NEB: variants seen among roughly 807,000 people sequenced by gnomAD.
NEB encodes nebulin, also known as nemaline myopathy type 2.
NEB carries 512 observed loss-of-function variants against 952.2 expected under a neutral mutation model. That is an observed-to-expected ratio of 0.54 (90% CI 0.50 to 0.58). The LOEUF is 0.58. Ranked by LOEUF, NEB falls within the 20% of genes least tolerant of loss-of-function variation. The pLI, the probability that NEB is intolerant of heterozygous loss-of-function variation, is 0.00. For synonymous variants in NEB, 2,900 were observed against 3,149.8 expected (o/e 0.92, Z 2.66); for missense variants, 8,428 against 9,231.1 (o/e 0.91, Z 3.56).
chr2:151,543,249 CCAAA>C (rs1174667625), intron 135 of NEB, among the ~76,000 whole-genome samples: 1 of 152,124 alleles, frequency 6.6e-6, no homozygotes, highest in Non-Finnish European at 1.5e-5. Flanking sequence ...CAAATGGATA[CCAAA>C]TAAATTCTAA....
rs376621580 is a variant in NEB, at chr2:151,711,419, A to G, written c.823-881T>C. Among the ~76,000 whole-genome samples, 14 of 152,302 alleles carry G rather than the reference A, an allele frequency of 9.2e-5. No individual in the cohort carries two copies. The East Asian group carries it at 2.3e-3, about 25-fold the overall frequency. On this transcript the variant is annotated intron_variant, in intron 10 of 181. Transcript: ENST00000397345. Reference sequence around the variant, plus strand: ...ACTGGCATATGCCTACATCCCCACAATACCCTTTAAGGAAAAAGAAAATGT... The same window carrying G: ...ACTGGCATATGCCTACATCCCCACAGTACCCTTTAAGGAAAAAGAAAATGT...
intron 179 of NEB, 83 bp from the exon 180 acceptor site, chr2:151,490,601 A>T (rs2055648050): frequency 6.7e-7 from 1 of 1,488,484 alleles, no homozygotes; most frequent in Non-Finnish European, 9.2e-7. Context: ...AATCTCAGTT[A>T]TTGTTATCTT....
intron 52 of NEB, among the ~76,000 whole-genome samples, chr2:151,651,929 A>G (rs1224257623): frequency 6.6e-6 from 1 of 152,226 alleles, no homozygotes; most frequent in Non-Finnish European, 1.5e-5. Context: ...CAAGAAAACA[A>G]CACTAAATTT....
In NEB at chr2:151,692,003, G is replaced by A. The variant is rs751677106; in HGVS notation, c.2107-35C>T. The A allele has an allele frequency of 1.7e-5, 27 of 1,607,144 alleles. No individual in the cohort carries two copies. The Admixed American group carries it at 2.5e-4, about 15-fold the overall frequency. On this transcript the variant is annotated intron_variant, in intron 22 of 181. Transcript: ENST00000397345. ...GAAAAACCAAAAATAGATCATGATT[G>A]TTATGGCTCTCAAACAATGTCACTG...
At chr2:151,574,196 G>A (rs58037758) in intron 107 of NEB, among the ~76,000 whole-genome samples, 1 of 151,980 alleles carries the variant, frequency 6.6e-6, no homozygotes, top group Admixed American at 6.5e-5. Flanking sequence ...GGATGGTCTC[G>A]ATCTCCTGAC....
chr2:151,563,849 T>C lies in NEB; in HGVS notation c.18553A>G (p.Lys6185Glu). 1 of 1,613,390 alleles carries C rather than the reference T, an allele frequency of 6.2e-7. No homozygotes were observed. The highest frequency in any genetic ancestry group is 8.5e-7 in the Non-Finnish European group (1 of 1,179,616). ...TCACTGTTCACCAGATCAGCATGCT[T>C]GGCTCCAACAATGGGAATGTAGCGC... is the stretch of plus-strand genomic sequence containing the variant. ...DERYIPIVGA[K>E]HADLVNSELK... is the part of the protein sequence containing the mutation. Residue 6185 changes from lysine to glutamate, a missense_variant, in exon 118 of 182, where the codon AAG becomes GAG. This residue lies in a region of NEB where 3,374 missense variants were observed against 3,651.5 expected (regional missense o/e 0.92). Coordinates refer to ENST00000397345, the MANE Select transcript of NEB (RefSeq NM_001164508.2).
At chr2:151,491,479 C>T in intron 179 of NEB, 1 of 468,710 alleles carries the variant, frequency 2.1e-6, no homozygotes, top group Non-Finnish European at 3.9e-6. Context: ...TGCACTGAGG[C>T]AGTGAAACAA....
chr2:151,560,360 A>G (rs1431330291), intron 124 of NEB, among the ~76,000 whole-genome samples: 1 of 152,196 alleles, frequency 6.6e-6, no homozygotes, highest in Non-Finnish European at 1.5e-5. Context: ...CTGAAAGGTC[A>G]CATCCTGTCC....
intron 112 of NEB, 22 bp downstream of exon 112, chr2:151,568,294 G>C: frequency 1.9e-6 from 3 of 1,607,776 alleles, no homozygotes; most frequent in Non-Finnish European, 1.7e-6. Flanking sequence ...ACAAACACCA[G>C]GCATGTGGGT....
intron 173 of NEB, among the ~76,000 whole-genome samples, chr2:151,495,820 A>G (rs1307126925): frequency 1.3e-5 from 2 of 152,206 alleles, no homozygotes; most frequent in Non-Finnish European, 2.9e-5. Context: ...GGAGGGGATC[A>G]GGGATTATTT....
chr2:151,552,023 T>C (rs2095369557), intron 128 of NEB, among the ~76,000 whole-genome samples, 178 bp from the exon 129 acceptor site: 1 of 152,132 alleles, frequency 6.6e-6, no homozygotes. Context: ...ACAGAAGAGA[T>C]GGCCCAGGCA....
chr2:151,575,572 A>G (rs762072760), intron 107 of NEB, 123 bp downstream of exon 107: 2 of 711,516 alleles, frequency 2.8e-6, no homozygotes, highest in South Asian at 1.8e-5. Flanking sequence ...GGGTGACCAC[A>G]AGGAGTCTTC....
intron 27 of NEB, among the ~76,000 whole-genome samples, chr2:151,685,704 G>T (rs949348779): frequency 2.0e-5 from 3 of 152,194 alleles, no homozygotes; most frequent in African/African-American, 7.2e-5. Context: ...TTCTGGAATG[G>T]TTAGACAAGG....
intron 37 of NEB, among the ~76,000 whole-genome samples, chr2:151,671,763 A>T (rs1292802552): frequency 6.6e-6 from 1 of 152,178 alleles, no homozygotes; most frequent in Non-Finnish European, 1.5e-5. Context: ...CTGGGGAGCA[A>T]TATTTTTATC....
Position 151,538,125 on chromosome 2 carries a change from T to A in NEB, c.20997+15A>T. The A allele has an allele frequency of 6.3e-7, 1 of 1,584,680 alleles. No homozygotes were observed. The highest frequency in any genetic ancestry group is 8.7e-7 in the Non-Finnish European group (1 of 1,154,782). On this transcript the variant is annotated intron_variant, in intron 139 of 181. Transcript: ENST00000397345. Reference sequence around the variant, plus strand: ...TTGTAGAGCCCAACACAAGTAGAAATATTTAGGGACATACTTTACTGATGT... The same window carrying A: ...TTGTAGAGCCCAACACAAGTAGAAAAATTTAGGGACATACTTTACTGATGT...
At chr2:151,649,723 TA>T (rs1446201941) in intron 54 of NEB, among the ~76,000 whole-genome samples, 1 of 152,228 alleles carries the variant, frequency 6.6e-6, no homozygotes, top group African/African-American at 2.4e-5. Flanking sequence ...AATAGATACT[TA>T]TTTACAGTGA....
intron 116 of NEB, 90 bp from the exon 117 acceptor site, chr2:151,565,238 A>G: frequency 2.6e-6 from 2 of 758,322 alleles, no homozygotes; most frequent in Non-Finnish European, 4.2e-6. Context: ...CCACGTTTAA[A>G]GATTAAAACT....
intron 142 of NEB, chr2:151,534,189 G>A (rs2153520778): frequency 1.3e-6 from 2 of 1,571,576 alleles, no homozygotes; most frequent in Non-Finnish European, 8.7e-7. Context: ...TCCTGCCTGG[G>A]CCACCGGCCA....
chr2:151,646,041 G>A, intron 55 of NEB, 89 bp downstream of exon 55: 1 of 915,776 alleles, frequency 1.1e-6, no homozygotes, highest in Non-Finnish European at 1.7e-6. Flanking sequence ...AAATAATTCA[G>A]GGATTCAGAG....
Sources: allele counts gnomAD v4.1 joint callset (sites outside exome capture counted in the v4.1 genomes callset), GRCh38; gene constraint gnomAD v4.1.1; regional missense constraint gnomAD v4.1.1; transcripts MANE v1.5; gene names NCBI Gene and HGNC (gene_info 2026-07-23, HGNC 2026-07-21).